KLHL13: variants seen among roughly 807,000 people sequenced by gnomAD.
The protein encoded by KLHL13 is kelch-like protein 13.
In KLHL13, 10 loss-of-function variants were observed where a neutral mutation model predicts 37.1. That is an observed-to-expected ratio of 0.27 (90% confidence interval 0.17 to 0.46). KLHL13 has a LOEUF of 0.46. KLHL13 is among the 20% of genes least tolerant of loss of function. KLHL13 has a pLI of 1.00. For synonymous variants in KLHL13, 163 were observed against 181.2 expected (o/e 0.90, Z 0.81); for missense variants, 360 against 509.3 (o/e 0.71, Z 2.82).
At chrX:117,956,050 A>G (rs1423708835) in intron 1 of KLHL13, among the ~76,000 whole-genome samples, 1 of 111,597 alleles carries the variant, frequency 9.0e-6, no homozygotes, top group African/African-American at 3.3e-5. Context: ...AGCCAGTTTA[A>G]TTAAGATCAC....
At chrX:118,032,404 A>G (rs553711191) in intron 1 of KLHL13, among the ~76,000 whole-genome samples, 5 of 111,967 alleles carry the variant, frequency 4.5e-5, no homozygotes, top group African/African-American at 1.6e-4. Flanking sequence ...GAGAACGGGC[A>G]GACTGCCTCT....
intron 1 of KLHL13, among the ~76,000 whole-genome samples, chrX:118,073,499 C>T (rs1266239780): frequency 2.7e-5 from 3 of 111,439 alleles, no homozygotes; most frequent in Non-Finnish European, 5.7e-5. Flanking sequence ...GGGACACAGC[C>T]AAACCATATC....
chrX:118,108,142 G>A (rs766641112), intron 1 of KLHL13, among the ~76,000 whole-genome samples: 3 of 112,113 alleles, frequency 2.7e-5, no homozygotes, highest in East Asian at 5.6e-4. Flanking sequence ...TTTTTTAAAA[G>A]TGGGACCAAG....
At position 118,116,149 on chromosome X, in the gene KLHL13, G is replaced by C. The variant is rs186284316; in HGVS notation, c.-56+359C>G. Among the ~76,000 whole-genome samples, 238 of 111,270 alleles carry C rather than the reference G, an allele frequency of 2.1e-3. 1 individual carries two copies. Among genetic ancestry groups the C allele is most frequent in the Non-Finnish European group, 3.7e-3 (198 of 52,996 alleles). Reference sequence around the variant, plus strand: ...TTAGAGGGCAAGAGACAGTAGGGCCGGGGCGGGCAGCGGGACCCCAGACCG... The same window carrying C: ...TTAGAGGGCAAGAGACAGTAGGGCCCGGGCGGGCAGCGGGACCCCAGACCG... On this transcript the variant is annotated intron_variant, in intron 1 of 6. Coordinates refer to the KLHL13 transcript ENST00000371882.
intron 1 of KLHL13, among the ~76,000 whole-genome samples, chrX:118,055,978 A>C (rs2054681083): frequency 9.0e-6 from 1 of 111,343 alleles, no homozygotes; most frequent in Non-Finnish European, 1.9e-5. Flanking sequence ...TAATTTTTAA[A>C]AGAAAAAAAG....
chrX:118,025,564 CAAG>C (rs1291047062), intron 1 of KLHL13, among the ~76,000 whole-genome samples: 2 of 110,685 alleles, frequency 1.8e-5, no homozygotes, highest in Non-Finnish European at 3.8e-5. Flanking sequence ...GCCCATAGTG[CAAG>C]AATAGTGATA....
chrX:118,113,061 A>G (rs1430627064), intron 1 of KLHL13, among the ~76,000 whole-genome samples: 1 of 112,111 alleles, frequency 8.9e-6, no homozygotes, highest in Non-Finnish European at 1.9e-5. Context: ...AAGTTGAACA[A>G]TGATCTGATT....
chrX:118,061,622 T>C (rs1031383515), intron 1 of KLHL13, among the ~76,000 whole-genome samples: 3 of 111,819 alleles, frequency 2.7e-5, no homozygotes, highest in African/African-American at 9.7e-5. Context: ...TACTAGAGCA[T>C]TTCTAATTAT....
intron 2 of KLHL13, among the ~76,000 whole-genome samples, chrX:117,937,736 A>G (rs1932823873): frequency 8.9e-6 from 1 of 111,923 alleles, no homozygotes; most frequent in African/African-American, 3.2e-5. Context: ...TAATAGCTTT[A>G]TTGAGATACA....
chrX:118,017,523 T>C (rs2054140256), intron 1 of KLHL13, among the ~76,000 whole-genome samples: 1 of 111,105 alleles, frequency 9.0e-6, no homozygotes, highest in Admixed American at 9.6e-5. Flanking sequence ...TGAGAGTAGC[T>C]TGAACTAAGA....
chrX:118,022,730 A>C (rs910391053), intron 1 of KLHL13, among the ~76,000 whole-genome samples: 1 of 112,081 alleles, frequency 8.9e-6, no homozygotes, highest in African/African-American at 3.2e-5. Context: ...TTATGTTAAG[A>C]TATTAACCCT....
intron 2 of KLHL13, among the ~76,000 whole-genome samples, chrX:117,928,535 T>C (rs1932212813): frequency 8.9e-6 from 1 of 112,074 alleles, no homozygotes; most frequent in South Asian, 3.7e-4. Context: ...TTAATTATAT[T>C]AGAAATCAAA....
intron 1 of KLHL13, among the ~76,000 whole-genome samples, chrX:118,035,272 G>A (rs184642747): frequency 1.0e-5 from 1 of 100,165 alleles, no homozygotes. Flanking sequence ...TACCAAAGCC[G>A]GGCAGAGACA....
intron 1 of KLHL13, among the ~76,000 whole-genome samples, chrX:117,948,930 C>T (rs1324762482): frequency 3.6e-5 from 4 of 111,990 alleles, no homozygotes; most frequent in Non-Finnish European, 7.5e-5. Context: ...CAGACTGTGG[C>T]ATTTCTCTGC....
chrX:118,052,655 G>A (rs1404314365), intron 1 of KLHL13, among the ~76,000 whole-genome samples: 3 of 108,763 alleles, frequency 2.8e-5, no homozygotes, highest in East Asian at 2.9e-4. Flanking sequence ...GTGAAACCCC[G>A]TCTCTACTAA....
chrX:117,982,721 A>G (rs2053676438), intron 1 of KLHL13, among the ~76,000 whole-genome samples: 1 of 112,345 alleles, frequency 8.9e-6, no homozygotes, highest in African/African-American at 3.2e-5. Context: ...GCTGATTATC[A>G]CACCAGGTCT....
At chrX:118,106,022 C>T (rs2055342660) in intron 1 of KLHL13, among the ~76,000 whole-genome samples, 1 of 104,995 alleles carries the variant, frequency 9.5e-6, no homozygotes. Flanking sequence ...CTGCCTCAGC[C>T]TCCCGAGTAG....
chrX:118,085,585 C>G (rs1349934373), intron 1 of KLHL13, among the ~76,000 whole-genome samples: 1 of 110,054 alleles, frequency 9.1e-6, no homozygotes, highest in African/African-American at 3.3e-5. Flanking sequence ...CATTCTCCTC[C>G]CAATCTCCCT....
chrX:117,923,500 T>G (rs1254444010), intron 2 of KLHL13, among the ~76,000 whole-genome samples: 1 of 112,241 alleles, frequency 8.9e-6, no homozygotes, highest in African/African-American at 3.2e-5. Flanking sequence ...TTGTATCTGA[T>G]CCATTATTTT....
Sources: allele counts gnomAD v4.1 joint callset (sites outside exome capture counted in the v4.1 genomes callset), GRCh38; gene constraint gnomAD v4.1.1; transcripts MANE v1.5; gene names NCBI Gene and HGNC (gene_info 2026-07-23, HGNC 2026-07-21).